SLIT3: variants seen among roughly 807,000 people sequenced by gnomAD.
The protein encoded by SLIT3 is slit guidance ligand 3, also known as slit homolog 3 protein.
A neutral mutation model predicts 184.0 loss-of-function variants in SLIT3; 68 were observed. The observed-to-expected ratio is 0.37, with a 90% CI of 0.30 to 0.45. SLIT3 has a LOEUF of 0.45. Among genes scored for constraint, SLIT3 ranks in the 20% least tolerant of loss-of-function variants. The probability of loss-of-function intolerance (pLI) is 1.00; values close to 1 mark genes in which losing one functional copy is unlikely to be tolerated. For missense variants in SLIT3, 1,707 were observed against 2,026.0 expected, an observed-to-expected ratio of 0.84 and a Z score of 3.02; for synonymous variants, 831 against 828.6, an observed-to-expected ratio of 1.00 and a Z score of -0.05.
chr5:169,230,081 G>A (rs1192628482), intron 3 of SLIT3, among the ~76,000 whole-genome samples: 2 of 152,084 alleles, frequency 1.3e-5, no homozygotes, highest in African/African-American at 2.4e-5. Flanking sequence ...CAGTATACAT[G>A]GCCCTACATG....
chr5:169,287,483 TGAA>T (rs1323047344), intron 1 of SLIT3, among the ~76,000 whole-genome samples: 1 of 152,156 alleles, frequency 6.6e-6, no homozygotes, highest in Non-Finnish European at 1.5e-5. Context: ...GAGGCAGAAA[TGAA>T]GGCACCTTTT....
intron 4 of SLIT3, among the ~76,000 whole-genome samples, chr5:169,045,714 G>A (rs1051783718): frequency 2.6e-5 from 4 of 152,140 alleles, no homozygotes; most frequent in African/African-American, 7.2e-5. Context: ...GCAGACCCAG[G>A]AGCCAAACCA....
intron 6 of SLIT3, among the ~76,000 whole-genome samples, chr5:168,839,474 C>A (rs1758168689): frequency 6.6e-6 from 1 of 152,280 alleles, no homozygotes; most frequent in South Asian, 2.1e-4. Flanking sequence ...CCCACAGTTG[C>A]CAGTGCTTCT....
chr5:168,898,850 C>T (rs926763640), intron 4 of SLIT3, among the ~76,000 whole-genome samples: 11 of 152,128 alleles, frequency 7.2e-5, no homozygotes, highest in African/African-American at 2.7e-4. Flanking sequence ...TTAGAGCTTG[C>T]TTTTTAATAA....
At chr5:169,036,453 A>G (rs1266281027) in intron 4 of SLIT3, 1 of 152,220 alleles carries the variant, frequency 6.6e-6, no homozygotes, top group Non-Finnish European at 1.5e-5. Flanking sequence ...TCACAGTTGA[A>G]TAAGGGGCAT....
intron 5 of SLIT3, among the ~76,000 whole-genome samples, chr5:168,856,936 G>A (rs1378924492): frequency 4.6e-5 from 7 of 152,064 alleles, no homozygotes; most frequent in Admixed American, 4.6e-4. Flanking sequence ...AGAGGCCTCT[G>A]GTCTGGGTGG....
chr5:169,117,120 T>TC (rs1760698012), intron 4 of SLIT3, among the ~76,000 whole-genome samples: 2 of 152,174 alleles, frequency 1.3e-5, no homozygotes, highest in African/African-American at 4.8e-5. Context: ...TGGCAGTCCT[T>TC]CTTCATTAAT....
Position 168,666,521 on chromosome 5 carries a change from G to A in SLIT3, c.4505C>T (p.Thr1502Met), listed in dbSNP as rs757510386. ...CTCTTCTACAAACGAGGAGCCGTCC[G>A]TGCACTGGAAGACGTATTTCCGCCG... ...SKRRKYVFQC[T>M]DGSSFVEEVE... Residue 1502 changes from threonine to methionine, a missense_variant, in exon 36 of 36, where the codon ACG (threonine) becomes ATG (methionine). By Grantham distance (81) the Thr-to-Met change is moderately conservative. This residue lies in a region of SLIT3 where 387 missense variants were observed against 477.9 expected (regional missense o/e 0.81). Coordinates refer to ENST00000519560, the MANE Select transcript of SLIT3 (RefSeq NM_003062.4). The A allele has an allele frequency of 6.2e-6, 10 of 1,611,862 alleles. No individual in the cohort carries two copies. Among genetic ancestry groups the A allele is most frequent in the East Asian group, 2.2e-5 (1 of 44,854 alleles).
intron 3 of SLIT3, among the ~76,000 whole-genome samples, chr5:169,216,068 C>A (rs899847089): frequency 1.3e-5 from 2 of 152,170 alleles, no homozygotes; most frequent in African/African-American, 4.8e-5. Context: ...TTGCCCTTGG[C>A]CAATTCCTCT....
At chr5:169,265,975 C>T (rs1381183397) in intron 1 of SLIT3, among the ~76,000 whole-genome samples, 1 of 152,202 alleles carries the variant, frequency 6.6e-6, no homozygotes, top group Admixed American at 6.5e-5. Flanking sequence ...GAGGACAACC[C>T]AGCCAACACA....
chr5:168,803,456 G>C (rs1756839262), intron 9 of SLIT3, among the ~76,000 whole-genome samples: 1 of 152,242 alleles, frequency 6.6e-6, no homozygotes, highest in South Asian at 2.1e-4. Context: ...AACACATCCA[G>C]GTGTGAGTCC....
intron 6 of SLIT3, 78 bp downstream of exon 6, chr5:168,844,506 C>T (rs1006647800): frequency 1.5e-5 from 20 of 1,338,372 alleles, no homozygotes; most frequent in Non-Finnish European, 1.9e-5. Flanking sequence ...CTCTCCCCCT[C>T]TCTCCTCCCC....
intron 4 of SLIT3, among the ~76,000 whole-genome samples, chr5:168,962,463 C>T (rs761201948): frequency 6.6e-6 from 1 of 152,100 alleles, no homozygotes; most frequent in Non-Finnish European, 1.5e-5. Context: ...TATAACCAGA[C>T]CATGTGTTTT....
rs554974287 is a variant in SLIT3 at position 169,160,739 on chromosome 5, G to T, written c.413+32740C>A. On this transcript the variant is annotated intron_variant, in intron 4 of 35. Transcript: ENST00000519560. ...ACTGAGCTCGTTTACTTTCAAAGCTGATTTTTTTCCACATTTCATTGCTCA... is the reference window on the plus strand; with the variant it reads ...ACTGAGCTCGTTTACTTTCAAAGCTTATTTTTTTCCACATTTCATTGCTCA... Among the ~76,000 whole-genome samples, 187 of 152,242 alleles carry T rather than the reference G, an allele frequency of 1.2e-3. 1 individual carries two copies. In the Middle Eastern group the frequency reaches 0.017, roughly 14 times the overall value.
At chr5:169,099,507 G>A (rs992239580) in intron 4 of SLIT3, among the ~76,000 whole-genome samples, 1 of 152,196 alleles carries the variant, frequency 6.6e-6, no homozygotes, top group Admixed American at 6.5e-5. Context: ...GCTCTTCACA[G>A]TGCTGACTGT....
chr5:169,123,455 T>G (rs1297723309), intron 4 of SLIT3, among the ~76,000 whole-genome samples: 1 of 152,202 alleles, frequency 6.6e-6, no homozygotes, highest in Non-Finnish European at 1.5e-5. Context: ...TCAACTTGTT[T>G]GTGCTCTAAT....
At chr5:169,176,337 C>T (rs989188450) in intron 4 of SLIT3, among the ~76,000 whole-genome samples, 2 of 152,160 alleles carry the variant, frequency 1.3e-5, no homozygotes, top group Non-Finnish European at 2.9e-5. Context: ...GTATGAATGC[C>T]AGGTCTGCGA....
In SLIT3 at chr5:169,205,023, T is replaced by C. The variant is rs996450629; in HGVS notation, c.342-11473A>G. 5.1e-4 allele frequency among the ~76,000 whole-genome samples: 78 copies of C among 152,004 alleles called. 1 individual carries two copies. Among genetic ancestry groups the C allele is most frequent in the African/African-American group, 1.9e-3 (78 of 41,442 alleles). On this transcript the variant is annotated intron_variant, in intron 3 of 35. Coordinates refer to ENST00000519560, the MANE Select transcript of SLIT3 (RefSeq NM_003062.4). ...TTAGGGCGTTTCCAGGCAACTATGA[T>C]GGAGGAAGAGAGGGGCCCAGGAATT... is the stretch of plus-strand genomic sequence containing the variant.
At position 168,683,950 on chromosome 5, in the gene SLIT3, G is replaced by A. The variant is rs763547772; in HGVS notation, c.3686+16C>T. On this transcript the variant is annotated intron_variant, in intron 32 of 35. Coordinates refer to ENST00000519560, the MANE Select transcript of SLIT3 (RefSeq NM_003062.4). Reference sequence around the variant, plus strand: ...GGAGGAACACACAGTGGGTCAGGAGGGAGAGAGGCCCTTACCTGTACACTG... The same window carrying A: ...GGAGGAACACACAGTGGGTCAGGAGAGAGAGAGGCCCTTACCTGTACACTG... 2.7e-6 allele frequency: 4 copies of A among 1,503,164 alleles called. No homozygotes were observed. The highest frequency in any genetic ancestry group is 2.5e-5 in the East Asian group (1 of 39,844). The allele number at this position is 1,503,164 out of a possible 1,614,324, so 93.1% of individuals were successfully genotyped here.
Sources: gnomAD v4.1 joint callset for allele counts (sites outside exome capture counted in the v4.1 genomes callset) on GRCh38, gnomAD v4.1.1 for gene constraint, gnomAD v4.1.1 regional missense constraint, MANE v1.5 for transcripts, NCBI Gene and HGNC (gene_info 2026-07-23, HGNC 2026-07-21) for gene names.